UNC13B: variants seen among roughly 807,000 people sequenced by gnomAD.
UNC13B encodes the protein unc-13 homolog B, also known as protein unc-13 homolog B.
A neutral mutation model predicts 211.0 loss-of-function variants in UNC13B; 144 were observed. That is an observed-to-expected ratio of 0.68 (90% CI 0.60 to 0.78). The LOEUF is 0.78. UNC13B is among the 30% of genes least tolerant of loss of function. The pLI is 0.00. For synonymous variants in UNC13B, 709 were observed against 725.8 expected, an observed-to-expected ratio of 0.98 and a Z score of 0.37; for missense variants, 1,777 against 2,002.0, an observed-to-expected ratio of 0.89 and a Z score of 2.14.
chr9:35,316,945 G>A (rs1464160407), intron 11 of UNC13B, among the ~76,000 whole-genome samples: 1 of 151,984 alleles, frequency 6.6e-6, no homozygotes, highest in East Asian at 1.9e-4. Flanking sequence ...TTAAAAAAAA[G>A]TATCACTGTG....
At chr9:35,362,870 A>G (rs1042776112) in intron 11 of UNC13B, among the ~76,000 whole-genome samples, 9 of 152,052 alleles carry the variant, frequency 5.9e-5, no homozygotes, top group Non-Finnish European at 8.8e-5. Context: ...GGACTTGTCA[A>G]GGCATTATGT....
At chr9:35,228,929 C>T (rs1426147805) in intron 2 of UNC13B, among the ~76,000 whole-genome samples, 1 of 151,974 alleles carries the variant, frequency 6.6e-6, no homozygotes, top group African/African-American at 2.4e-5. Context: ...GCAAATGTGT[C>T]TATGTACTAG....
chr9:35,164,401 A>G (rs1282177170), intron 1 of UNC13B, among the ~76,000 whole-genome samples: 1 of 152,224 alleles, frequency 6.6e-6, no homozygotes, highest in Non-Finnish European at 1.5e-5. Context: ...CTATATAGTG[A>G]TATTTATTAC....
At chr9:35,349,711 G>A (rs530089403) in intron 11 of UNC13B, among the ~76,000 whole-genome samples, 56 of 152,332 alleles carry the variant, frequency 3.7e-4, no homozygotes, top group Non-Finnish European at 7.2e-4. Context: ...CTGTCTCTTG[G>A]TTCTTGGCCT....
intron 1 of UNC13B, among the ~76,000 whole-genome samples, chr9:35,212,929 G>A (rs911074092): frequency 6.6e-6 from 1 of 152,192 alleles, no homozygotes; most frequent in East Asian, 1.9e-4. Flanking sequence ...CTAGATTTTA[G>A]TTCCAGACCT....
Position 35,302,169 on chromosome 9 carries a change from A to G in UNC13B, c.2765A>G (p.Asp922Gly). The G allele has an allele frequency of 2.5e-6, 1 of 398,790 alleles. No homozygotes were observed. Among genetic ancestry groups the G allele is most frequent in the Non-Finnish European group, 4.4e-6 (1 of 225,822 alleles). 24.7% of individuals were successfully genotyped at this position (398,790 alleles called of 1,614,324 possible). Residue 922 changes from aspartate (D) to glycine (G), a missense_variant, in exon 9 of 40, where the codon GAT becomes GGT. Coordinates refer to ENST00000635942, the MANE Select transcript of UNC13B (RefSeq NM_001371189.2). ...DEESKKNCHE[D>G]TKHSSIKSSS... ...GAGAGCAAAAAAAATTGCCATGAAGATACCAAACATAGTTCAATAAAATCT... is the reference window on the plus strand; with the variant it reads ...GAGAGCAAAAAAAATTGCCATGAAGGTACCAAACATAGTTCAATAAAATCT...
At chr9:35,372,297 T>A (rs1587719557) in intron 13 of UNC13B, among the ~76,000 whole-genome samples, 1 of 152,214 alleles carries the variant, frequency 6.6e-6, no homozygotes, top group Middle Eastern at 3.4e-3. Context: ...ACAAACAAAA[T>A]CCTCATCCCA....
intron 5 of UNC13B, among the ~76,000 whole-genome samples, chr9:35,240,928 GC>G (rs1554690985): frequency 6.6e-6 from 1 of 151,716 alleles, no homozygotes; most frequent in Non-Finnish European, 1.5e-5. Context: ...GGTGTCGTGC[GC>G]CTGTAATCTC....
At chr9:35,251,244 G>A (rs1309402839) in intron 6 of UNC13B, among the ~76,000 whole-genome samples, 1 of 152,094 alleles carries the variant, frequency 6.6e-6, no homozygotes, top group Non-Finnish European at 1.5e-5. Flanking sequence ...GATTACAGGC[G>A]TGAGTCACCG....
intron 36 of UNC13B, 104 bp from the exon 37 acceptor site, chr9:35,400,192 A>G (rs1836200737): frequency 6.7e-7 from 1 of 1,494,636 alleles, no homozygotes; most frequent in Non-Finnish European, 9.0e-7. Flanking sequence ...GTGTTCCTGA[A>G]CAGCCTATTC....
chr9:35,183,409 T>G (rs1175956634), intron 1 of UNC13B, among the ~76,000 whole-genome samples: 2 of 32,576 alleles, frequency 6.1e-5, no homozygotes, highest in Admixed American at 4.0e-4. Context: ...GGGCAGAGGC[T>G]CCCCCAACCT....
At chr9:35,162,366 C>A in intron 1 of UNC13B, 61 bp downstream of exon 1, 1 of 1,478,408 alleles carries the variant, frequency 6.8e-7, no homozygotes, top group Non-Finnish European at 9.0e-7. Flanking sequence ...CGCACCCTTC[C>A]AGTGGACGTC....
chr9:35,359,230 T>G (rs952578680), intron 11 of UNC13B, among the ~76,000 whole-genome samples: 1 of 152,202 alleles, frequency 6.6e-6, no homozygotes, highest in African/African-American at 2.4e-5. Context: ...TCCTTCTTTT[T>G]GAAACACTTT....
At chr9:35,336,909 C>T (rs1831694411) in intron 11 of UNC13B, among the ~76,000 whole-genome samples, 1 of 152,128 alleles carries the variant, frequency 6.6e-6, no homozygotes, top group African/African-American at 2.4e-5. Context: ...ACCTTCTCAC[C>T]ATCCTGATGT....
rs1829806762 is a variant in UNC13B at position 35,303,967 on chromosome 9, G to C, written c.4563G>C (p.Trp1521Cys). 1 of 398,650 alleles carries C rather than the reference G, an allele frequency of 2.5e-6. No individual in the cohort carries two copies. Among genetic ancestry groups the C allele is most frequent in the Non-Finnish European group, 4.4e-6 (1 of 225,868 alleles). The allele number at this position is 398,650 out of a possible 1,614,324, so 24.7% of individuals were successfully genotyped here. A position where few individuals can be genotyped will look rare whatever the true frequency, so the allele number is the denominator to read the frequency against. The change falls in exon 9 of 40, where the codon TGG becomes TGC. Residue 1521 changes from tryptophan to cysteine, a missense_variant. Coordinates refer to ENST00000635942, the MANE Select transcript of UNC13B (RefSeq NM_001371189.2). ...TGTCATGTCTTGAACATGGAGTGTG[G>C]TGGCCATCAGAGGATGGGGATTATG... ...EWLSCLEHGV[W>C]WPSEDGDYGY...
intron 1 of UNC13B, among the ~76,000 whole-genome samples, chr9:35,182,979 G>A (rs948264904): frequency 4.6e-4 from 70 of 152,174 alleles, no homozygotes; most frequent in Non-Finnish European, 9.0e-4. Flanking sequence ...CTTGATGGTC[G>A]CTGTCTCTTC....
At position 35,162,125 on chromosome 9, in the gene UNC13B, G is replaced by T. The variant is rs1587259551; in HGVS notation, c.-159G>T. On this transcript the variant is annotated 5_prime_UTR_variant, in exon 1 of 40. Transcript: ENST00000635942. ...CGCTCAGACGGTGAGATTTGGGGCG[G>T]GTCCGAGGCAGCGGCGGGACGCTAC... The T allele has an allele frequency of 5.3e-6, 6 of 1,124,248 alleles. No individual in the cohort carries two copies. Among genetic ancestry groups the T allele is most frequent in the Non-Finnish European group, 6.4e-6 (5 of 784,518 alleles). The allele number at this position is 1,124,248 out of a possible 1,614,324, so 69.6% of individuals were successfully genotyped here. A position where few individuals can be genotyped will look rare whatever the true frequency, so the allele number is the denominator to read the frequency against.
In UNC13B at chr9:35,237,826, G is replaced by A; in HGVS notation, c.394G>A (p.Asp132Asn). 1 of 1,600,430 alleles carries A rather than the reference G, an allele frequency of 6.2e-7. No homozygotes were observed. The highest frequency in any genetic ancestry group is 1.1e-5 in the South Asian group (1 of 88,464). Residue 132 changes from aspartate to asparagine, a missense_variant and splice_region_variant, in exon 5 of 40, where the codon GAT becomes AAT. Coordinates refer to ENST00000635942, the MANE Select transcript of UNC13B (RefSeq NM_001371189.2). ...LLDTRFELPF[D>N]IPEEEARYWT... ...TGATACAAGATTTGAGTTGCCTTTTGGTGAGTAAAATTTTAAAACTATTTA... is the reference window on the plus strand; with the variant it reads ...TGATACAAGATTTGAGTTGCCTTTTAGTGAGTAAAATTTTAAAACTATTTA...
chr9:35,403,187 G>A lies in UNC13B; in HGVS notation c.12505G>A (p.Val4169Met), dbSNP rs1836440469. The change falls in exon 38 of 40, where the codon GTG becomes ATG. Residue 4169 changes from valine to methionine, a missense_variant. Coordinates refer to ENST00000635942, the MANE Select transcript of UNC13B (RefSeq NM_001371189.2). The part of the protein sequence containing the change: ...TTQGSGVDDP[V>M]GEVSIQVDLF... The stretch of plus-strand genomic sequence containing the variant: ...CTCAGGGTCTGGTGTGGACGATCCT[G>A]TGGGAGAAGTCTCTATTCAGGTGGA... 6.2e-7 allele frequency: 1 copy of A among 1,614,064 alleles called. No individual in the cohort carries two copies. Among genetic ancestry groups the A allele is most frequent in the Non-Finnish European group, 8.5e-7 (1 of 1,180,022 alleles).
Sources: allele counts gnomAD v4.1 joint callset (sites outside exome capture counted in the v4.1 genomes callset), GRCh38; gene constraint gnomAD v4.1.1; transcripts MANE v1.5; gene names NCBI Gene and HGNC (gene_info 2026-07-23, HGNC 2026-07-21).